Variants in GOLGA3 observed in about 807,000 individuals in gnomAD.
GOLGA3 encodes golgin subfamily A member 3.
Under a neutral mutation model 169.4 loss-of-function variants are expected in GOLGA3, and 75 were observed. That is an observed-to-expected ratio of 0.44 (90% CI 0.37 to 0.54). GOLGA3 has a LOEUF of 0.54. Among genes scored for constraint, GOLGA3 ranks in the 20% least tolerant of loss-of-function variants. The pLI, the probability that GOLGA3 is intolerant of heterozygous loss-of-function variation, is 0.00. For synonymous variants in GOLGA3, 824 were observed against 822.4 expected, an observed-to-expected ratio of 1.00 and a Z score of -0.03; for missense variants, 1,899 against 1,930.0, an observed-to-expected ratio of 0.98 and a Z score of 0.30.
At chr12:132,814,106 CCT>C (rs1452309010) in intron 3 of GOLGA3, among the ~76,000 whole-genome samples, 2 of 150,014 alleles carry the variant, frequency 1.3e-5, no homozygotes, top group Admixed American at 1.3e-4. Flanking sequence ...CTCACCACAA[CCT>C]CTGCCTCCTG....
At chr12:132,796,469 T>G in intron 10 of GOLGA3, 70 bp downstream of exon 10, 3 of 1,503,330 alleles carry the variant, frequency 2.0e-6, no homozygotes, top group South Asian at 1.3e-5. Flanking sequence ...CTCGGTCTCC[T>G]TGTGTGCAGT....
At position 132,801,901 on chromosome 12, in the gene GOLGA3, T is replaced by C; in HGVS notation, c.1666A>G (p.Thr556Ala). The change falls in exon 8 of 24, where the codon ACG becomes GCG. Residue 556 changes from threonine to alanine, a missense_variant. Physicochemically the swap from Thr to Ala is moderately conservative, Grantham distance 58. Transcript: ENST00000450791. ...GACGCCTTCAGCTTGCTGGTCAGCG[T>C]CGTCCGCTCCAGCTGCACCTGCTGA... ...QLQQVQLERT[T>A]LTSKLKASQA... is the part of the protein sequence containing the mutation. 1.9e-6 allele frequency: 3 copies of C among 1,602,874 alleles called. No individual in the cohort carries two copies. The highest frequency in any genetic ancestry group is 2.5e-6 in the Non-Finnish European group (3 of 1,179,916).
Position 132,796,595 on chromosome 12 carries a change from C to T in GOLGA3, c.2044G>A (p.Glu682Lys), listed in dbSNP as rs774038671. 9 of 1,613,846 alleles carry T rather than the reference C, an allele frequency of 5.6e-6. No homozygotes were observed. Among genetic ancestry groups the T allele is most frequent in the Admixed American group, 5.0e-5 (3 of 60,006 alleles). The change falls in exon 10 of 24, where the codon GAG becomes AAG. Residue 682 changes from glutamate to lysine, a missense_variant. Transcript: ENST00000450791. ...GAGTCCGCCATCCTCTGCAGCCGCT[C>T]CCTCTCACCTTCAAACTCTTCCAGC... ...RRLEEFEGER[E>K]RLQRMADSAA...
In GOLGA3 at chr12:132,775,231, T is replaced by C. The variant is rs1334543534; in HGVS notation, c.4053A>G (p.Ala1351=). 6.2e-7 allele frequency: 1 copy of C among 1,613,758 alleles called. No homozygotes were observed. Among genetic ancestry groups the C allele is most frequent in the Admixed American group, 1.7e-5 (1 of 60,016 alleles). The change falls in exon 22 of 24, where the codon GCA becomes GCG. Residue 1351 remains alanine, a synonymous_variant. Transcript: ENST00000450791. ...TGTTGTTCTTCAGCTCCGACACTTT[T>C]GCCTGGAGCATAAATTTATCCTTCT... ...MTQKDKFMLQ[A]KVSELKNNMK...
chr12:132,781,556 A>G (rs1296966495), intron 17 of GOLGA3, among the ~76,000 whole-genome samples: 1 of 152,146 alleles, frequency 6.6e-6, no homozygotes, highest in Non-Finnish European at 1.5e-5. Context: ...TATTACTAAC[A>G]ACAACAACAA....
chr12:132,813,586 G>T (rs1949817950), intron 3 of GOLGA3, among the ~76,000 whole-genome samples, 167 bp from the exon 4 acceptor site: 1 of 152,180 alleles, frequency 6.6e-6, no homozygotes, highest in African/African-American at 2.4e-5. Flanking sequence ...AGAGAACTGT[G>T]AGCCCCGGAC....
intron 7 of GOLGA3, among the ~76,000 whole-genome samples, chr12:132,802,700 AG>A (rs1949192978): frequency 6.6e-6 from 1 of 152,230 alleles, no homozygotes; most frequent in South Asian, 2.1e-4. Context: ...ATAAACCAAA[AG>A]AAAAAAATGA....
At position 132,774,163 on chromosome 12, in the gene GOLGA3, T is replaced by A. The variant is rs367909378; in HGVS notation, c.4301A>T (p.Gln1434Leu). 3 of 1,595,152 alleles carry A rather than the reference T, an allele frequency of 1.9e-6. No individual in the cohort carries two copies. The highest frequency in any genetic ancestry group is 2.6e-6 in the Non-Finnish European group (3 of 1,170,142). ...GCACGGAATACGGTCGTACTTGAGC[T>A]GCTGGAGGCAGCTGTTCAGGTTCTT... Reference protein sequence around the residue: ...PLKNLNSCLQQLKQEMDSLQR... With the variant: ...PLKNLNSCLQLLKQEMDSLQR... Residue 1434 changes from glutamine (Q) to leucine (L), a missense_variant, in exon 23 of 24, where the codon CAG (glutamine) becomes CTG (leucine). Transcript: ENST00000450791.
chr12:132,821,916 C>A, intron 2 of GOLGA3, 80 bp downstream of exon 2: 2 of 897,296 alleles, frequency 2.2e-6, no homozygotes, highest in Non-Finnish European at 1.7e-6. Context: ...GTCTCAACGC[C>A]ACATCCTCCC....
At chr12:132,798,693 C>T (rs549502212) in intron 8 of GOLGA3, among the ~76,000 whole-genome samples, 1 of 152,186 alleles carries the variant, frequency 6.6e-6, no homozygotes, top group African/African-American at 2.4e-5. Context: ...CATCAGCCAG[C>T]GCTCATCATG....
chr12:132,801,610 C>T lies in GOLGA3; in HGVS notation c.1800+157G>A, dbSNP rs79410397. Reference sequence around the variant, plus strand: ...GGGCCCACGGGACACGTCCTGCATACGACACGTCCTACATGGGACACGGGG... The same window carrying T: ...GGGCCCACGGGACACGTCCTGCATATGACACGTCCTACATGGGACACGGGG... On this transcript the variant is annotated intron_variant, in intron 8 of 23. Coordinates refer to ENST00000450791, the MANE Select transcript of GOLGA3 (RefSeq NM_001389683.1). 4.4e-3 allele frequency among the ~76,000 whole-genome samples: 672 copies of T among 152,206 alleles called. 6 individuals carry two copies. Among genetic ancestry groups the T allele is most frequent in the African/African-American group, 0.015 (637 of 41,508 alleles).
intron 4 of GOLGA3, among the ~76,000 whole-genome samples, chr12:132,809,238 G>C (rs1005701850): frequency 4.6e-5 from 7 of 152,220 alleles, no homozygotes; most frequent in African/African-American, 1.7e-4. Flanking sequence ...CTGTCTAGAA[G>C]GCAGAGCCAG....
chr12:132,768,926 AAT>A lies in GOLGA3; in HGVS notation c.*4177_*4178del, dbSNP rs2044774171. On this transcript the variant is annotated 3_prime_UTR_variant, in exon 24 of 24. Transcript: ENST00000450791. ...ATGAATATGAAAATCTTTACCAAAA[AAT>A]AGTTTATTGCACAAAATTTAAGGAA... is the stretch of plus-strand genomic sequence containing the variant. The A allele has an allele frequency of 6.6e-6, 1 of 152,668 alleles. No homozygotes were observed. Among genetic ancestry groups the A allele is most frequent in the South Asian group, 2.1e-4 (1 of 4,836 alleles). The allele number at this position is 152,668 out of a possible 1,614,324, so 9.5% of individuals were successfully genotyped here.
chr12:132,820,598 T>C (rs1449076063), intron 2 of GOLGA3, among the ~76,000 whole-genome samples: 1 of 152,128 alleles, frequency 6.6e-6, no homozygotes, highest in African/African-American at 2.4e-5. Context: ...GCTAGTAAAT[T>C]AGCACATCTG....
At chr12:132,825,852 C>T (rs767881123) in intron 1 of GOLGA3, 12 of 987,846 alleles carry the variant, frequency 1.2e-5, no homozygotes, top group South Asian at 5.1e-5. Context: ...AAAGAGGCTA[C>T]TGAGGGCACC....
intron 11 of GOLGA3, among the ~76,000 whole-genome samples, chr12:132,793,744 G>A (rs955403162): frequency 3.3e-5 from 5 of 152,030 alleles, no homozygotes; most frequent in Non-Finnish European, 7.4e-5. Flanking sequence ...ATCTGCACTC[G>A]GAGGGCTCCA....
intron 11 of GOLGA3, among the ~76,000 whole-genome samples, chr12:132,795,523 G>A (rs961819188): frequency 6.6e-6 from 1 of 152,116 alleles, no homozygotes; most frequent in Non-Finnish European, 1.5e-5. Flanking sequence ...CACTGTGGGA[G>A]ACCGAGGCGG....
At chr12:132,794,044 T>C (rs2136444654) in intron 11 of GOLGA3, among the ~76,000 whole-genome samples, 1 of 152,292 alleles carries the variant, frequency 6.6e-6, no homozygotes. Flanking sequence ...AGGATCAAAG[T>C]GCTGGTTGTT....
chr12:132,801,650 G>C (rs1384664714), intron 8 of GOLGA3, 117 bp downstream of exon 8: 2 of 971,740 alleles, frequency 2.1e-6, no homozygotes, highest in East Asian at 5.0e-5. Flanking sequence ...CTGGACAGCA[G>C]GTTAAAAACA....
Sources: allele counts gnomAD v4.1 joint callset (sites outside exome capture counted in the v4.1 genomes callset), GRCh38; gene constraint gnomAD v4.1.1; transcripts MANE v1.5; gene names NCBI Gene and HGNC (gene_info 2026-07-23, HGNC 2026-07-21).